Variants in WWOX observed in about 807,000 individuals in gnomAD.
The protein encoded by WWOX is WW domain-containing oxidoreductase.
Under a neutral mutation model 46.2 loss-of-function variants are expected in WWOX, and 69 were observed. The observed-to-expected ratio is 1.49, with a 90% CI of 1.23 to 1.82. WWOX has a LOEUF of 1.82. WWOX is among the 40% of genes most tolerant of loss of function. The pLI, the probability that WWOX is intolerant of heterozygous loss-of-function variation, is 0.00. For synonymous variants in WWOX, 359 were observed against 202.6 expected, an observed-to-expected ratio of 1.77 and a Z score of -6.56; for missense variants, 919 against 542.6, an observed-to-expected ratio of 1.69 and a Z score of -6.89.
At chr16:78,506,068 G>C (rs141751604) in intron 8 of WWOX, among the ~76,000 whole-genome samples, 186 of 152,336 alleles carry the variant, frequency 1.2e-3, no homozygotes, top group Middle Eastern at 6.8e-3. Flanking sequence ...GGATTGGTCT[G>C]CGTCCAAGAG....
At chr16:78,294,624 A>G (rs972637642) in intron 5 of WWOX, among the ~76,000 whole-genome samples, 1 of 152,092 alleles carries the variant, frequency 6.6e-6, no homozygotes, top group South Asian at 2.1e-4. Flanking sequence ...TGAGGTCTGT[A>G]AAAGGATAGT....
chr16:78,998,847 C>A (rs771867726), intron 8 of WWOX, among the ~76,000 whole-genome samples: 1 of 152,232 alleles, frequency 6.6e-6, no homozygotes, highest in Non-Finnish European at 1.5e-5. Context: ...TCTCTGAAAT[C>A]TGAACACATC....
chr16:78,864,921 C>T (rs960296186), intron 8 of WWOX, among the ~76,000 whole-genome samples: 5 of 151,692 alleles, frequency 3.3e-5, no homozygotes, highest in Admixed American at 6.6e-5. Flanking sequence ...CACCACCACA[C>T]CTGGCTAATT....
At chr16:78,501,339 G>T (rs1041706544) in intron 8 of WWOX, among the ~76,000 whole-genome samples, 2 of 151,764 alleles carry the variant, frequency 1.3e-5, no homozygotes, top group African/African-American at 4.8e-5. Context: ...AAAATCTTCA[G>T]ATTTTCAAGA....
At chr16:79,103,061 G>C (rs143440451) in intron 8 of WWOX, among the ~76,000 whole-genome samples, 51 of 151,974 alleles carry the variant, frequency 3.4e-4, no homozygotes, top group African/African-American at 1.2e-3. Context: ...CTTTGGGCAA[G>C]TTCTCACCAT....
At chr16:78,455,950 C>G (rs547084364) in intron 8 of WWOX, among the ~76,000 whole-genome samples, 2 of 152,200 alleles carry the variant, frequency 1.3e-5, no homozygotes, top group East Asian at 3.9e-4. Context: ...CTTAAGGGAG[C>G]TGGCATAGGC....
intron 5 of WWOX, among the ~76,000 whole-genome samples, chr16:78,172,514 C>G (rs2035196427): frequency 6.6e-6 from 1 of 151,974 alleles, no homozygotes. Context: ...CGTTTCATTT[C>G]TCATTCTGAA....
At chr16:78,931,844 C>T (rs2045630398) in intron 8 of WWOX, among the ~76,000 whole-genome samples, 1 of 152,192 alleles carries the variant, frequency 6.6e-6, no homozygotes, top group Admixed American at 6.5e-5. Flanking sequence ...CCCCACGCCA[C>T]ATGGGAGGGA....
At chr16:78,503,976 T>G (rs562198739) in intron 8 of WWOX, among the ~76,000 whole-genome samples, 6 of 152,386 alleles carry the variant, frequency 3.9e-5, no homozygotes, top group African/African-American at 1.2e-4. Context: ...CTGCAAGTTA[T>G]GTTTTTTTTA....
chr16:78,354,381 A>G (rs1424965115), intron 5 of WWOX, among the ~76,000 whole-genome samples: 2 of 137,858 alleles, frequency 1.5e-5, no homozygotes, highest in Non-Finnish European at 3.0e-5. Context: ...ATATTGTCAA[A>G]TGACTTTCCA....
rs150882700 is a variant in WWOX, at chr16:78,984,281, T to G, written c.1057-227327T>G. Among the ~76,000 whole-genome samples the G allele has an allele frequency of 2.9e-3, 437 of 152,274 alleles. 3 individuals carry two copies. Among genetic ancestry groups the G allele is most frequent in the African/African-American group, 9.8e-3 (408 of 41,554 alleles). ...GACTGCTATATGGCAGAGCTTGGAATTCTTAGGAGCTTTATCAGGTAATTG... is the reference window on the plus strand; with the variant it reads ...GACTGCTATATGGCAGAGCTTGGAAGTCTTAGGAGCTTTATCAGGTAATTG... On this transcript the variant is annotated intron_variant, in intron 8 of 8. Coordinates refer to ENST00000566780, the MANE Select transcript of WWOX (RefSeq NM_016373.4).
At chr16:78,664,930 T>A (rs144939771) in intron 8 of WWOX, among the ~76,000 whole-genome samples, 1 of 152,336 alleles carries the variant, frequency 6.6e-6, no homozygotes, top group East Asian at 1.9e-4. Context: ...CTGTCATGTG[T>A]CAGCCTAATA....
chr16:79,137,910 C>T (rs899279994), intron 8 of WWOX, among the ~76,000 whole-genome samples: 2 of 151,356 alleles, frequency 1.3e-5, no homozygotes, highest in Non-Finnish European at 2.9e-5. Context: ...TCCAGAAGTA[C>T]AACATCAGAG....
chr16:79,037,291 G>T (rs536345086), intron 8 of WWOX, among the ~76,000 whole-genome samples: 1 of 152,254 alleles, frequency 6.6e-6, no homozygotes, highest in African/African-American at 2.4e-5. Context: ...ACCCTGCCTG[G>T]AAAGTGCTGG....
At chr16:78,749,161 A>G (rs1009933623) in intron 8 of WWOX, among the ~76,000 whole-genome samples, 1 of 152,196 alleles carries the variant, frequency 6.6e-6, no homozygotes, top group African/African-American at 2.4e-5. Flanking sequence ...ATGGGTACGC[A>G]GATAAAACAT....
intron 8 of WWOX, among the ~76,000 whole-genome samples, chr16:78,559,957 A>G (rs545430816): frequency 3.9e-5 from 6 of 152,174 alleles, no homozygotes; most frequent in Non-Finnish European, 7.4e-5. Context: ...ACGTTTTTCT[A>G]TTTTGTCTGA....
chr16:78,160,386 G>A (rs976559767), intron 4 of WWOX, among the ~76,000 whole-genome samples: 2 of 151,988 alleles, frequency 1.3e-5, no homozygotes, highest in Admixed American at 6.6e-5. Context: ...CGGCCACCCC[G>A]ATTCCTGGGA....
At chr16:78,610,468 AAAGGTCACCTAC>A (rs1405840230) in intron 8 of WWOX, among the ~76,000 whole-genome samples, 2 of 152,194 alleles carry the variant, frequency 1.3e-5, no homozygotes, top group Admixed American at 1.3e-4. Context: ...TTAAAAGATA[AAAGGTCACCTAC>A]AATACTCATT....
intron 8 of WWOX, among the ~76,000 whole-genome samples, chr16:78,976,043 G>A (rs115952144): frequency 1.2e-3 from 187 of 152,248 alleles, no homozygotes; most frequent in African/African-American, 4.3e-3. Context: ...TTTAGCCAGC[G>A]CCCCGCTCTG....
Sources: allele counts gnomAD v4.1 joint callset (sites outside exome capture counted in the v4.1 genomes callset), GRCh38; gene constraint gnomAD v4.1.1; transcripts MANE v1.5; gene names NCBI Gene and HGNC (gene_info 2026-07-23, HGNC 2026-07-21).